Variants in MMS22L observed in about 807,000 individuals in gnomAD.
MMS22L encodes protein MMS22-like.
A neutral mutation model predicts 159.1 loss-of-function variants in MMS22L; 74 were observed. The ratio of observed to expected loss-of-function variants is 0.47; its 90% CI spans 0.39 to 0.56. The LOEUF (loss-of-function observed/expected upper bound fraction) is 0.56. Ranked by LOEUF, MMS22L falls within the 20% of genes least tolerant of loss-of-function variation. The pLI is 0.00. For missense variants in MMS22L, 1,351 were observed against 1,422.1 expected (o/e 0.95, Z 0.80); for synonymous variants, 517 against 506.9 (o/e 1.02, Z -0.27).
rs538324392 is a variant in MMS22L, at chr6:97,158,091, T to C, written c.3385+3911A>G. Among the ~76,000 whole-genome samples the C allele has an allele frequency of 2.0e-5, 3 of 152,320 alleles. No homozygotes were observed. The South Asian group carries it at 6.2e-4, about 32-fold the overall frequency. ...GAATTTATCCATTTCTTCTAGATTTTTTAGTTTATTTGTGTAGAGTTCTTT... is the reference window on the plus strand; with the variant it reads ...GAATTTATCCATTTCTTCTAGATTTCTTAGTTTATTTGTGTAGAGTTCTTT... On this transcript the variant is annotated intron_variant, in intron 22 of 24. Transcript: ENST00000683635.
At chr6:97,168,321 TG>T (rs1195035261) in intron 19 of MMS22L, 81 bp from the exon 20 acceptor site, 8 of 1,297,992 alleles carry the variant, frequency 6.2e-6, no homozygotes, top group Non-Finnish European at 8.6e-6. Context: ...AAATTTGTAT[TG>T]AAAGCACATG....
At chr6:97,202,512 T>A (rs926551660) in intron 14 of MMS22L, among the ~76,000 whole-genome samples, 14 of 152,078 alleles carry the variant, frequency 9.2e-5, no homozygotes, top group African/African-American at 3.4e-4. Context: ...AGCTATTACC[T>A]TAGCGTTGAC....
intron 6 of MMS22L, chr6:97,270,480 T>A (rs1432905292): frequency 3.2e-6 from 1 of 314,262 alleles, no homozygotes; most frequent in Non-Finnish European, 6.2e-6. Flanking sequence ...AAAATTTACC[T>A]CTCAATTCAT....
chr6:97,198,647 T>G (rs1806806641), intron 14 of MMS22L, among the ~76,000 whole-genome samples: 1 of 152,104 alleles, frequency 6.6e-6, no homozygotes, highest in East Asian at 1.9e-4. Flanking sequence ...GAACAAAGAA[T>G]TTTATTAGAA....
intron 24 of MMS22L, among the ~76,000 whole-genome samples, chr6:97,149,188 C>A (rs1801078612): frequency 6.6e-6 from 1 of 151,978 alleles, no homozygotes; most frequent in Non-Finnish European, 1.5e-5. Flanking sequence ...AGAACTTATC[C>A]CTGTCGTTAA....
intron 19 of MMS22L, 130 bp downstream of exon 19, chr6:97,172,933 C>T (rs1803698573): frequency 1.3e-6 from 1 of 791,766 alleles, no homozygotes; most frequent in Non-Finnish European, 1.9e-6. Context: ...TAAGCTAAAT[C>T]ACTGTATTTC....
rs189441572 is a variant in MMS22L, at chr6:97,145,651, C to A, written c.*1155G>T. On this transcript the variant is annotated 3_prime_UTR_variant, in exon 25 of 25. Coordinates refer to ENST00000683635, the MANE Select transcript of MMS22L (RefSeq NM_001350599.2). ...GAATTTGGGCCACCAAATATTTTCACGTACATTATCCCATTGATTCTCACA... is the reference window on the plus strand; with the variant it reads ...GAATTTGGGCCACCAAATATTTTCAAGTACATTATCCCATTGATTCTCACA... 1.3e-5 allele frequency: 2 copies of A among 152,136 alleles called. No individual in the cohort carries two copies. The highest frequency in any genetic ancestry group is 1.3e-4 in the Admixed American group (2 of 15,270). 9.4% of individuals were successfully genotyped at this position (152,136 alleles called of 1,614,324 possible). A position where few individuals can be genotyped will look rare whatever the true frequency, so the allele number is the denominator to read the frequency against.
chr6:97,223,126 C>A (rs1019647995), intron 14 of MMS22L, among the ~76,000 whole-genome samples: 1 of 152,084 alleles, frequency 6.6e-6, no homozygotes, highest in African/African-American at 2.4e-5. Flanking sequence ...CAGAAAGAAG[C>A]ATATGAAGTT....
intron 14 of MMS22L, among the ~76,000 whole-genome samples, chr6:97,219,661 G>A (rs1244863780): frequency 1.3e-5 from 2 of 152,130 alleles, no homozygotes; most frequent in Non-Finnish European, 2.9e-5. Context: ...TGCACTGTTG[G>A]TAAATGAAAG....
intron 3 of MMS22L, among the ~76,000 whole-genome samples, chr6:97,280,226 GT>G (rs1816638278): frequency 6.6e-6 from 1 of 152,100 alleles, no homozygotes; most frequent in South Asian, 2.1e-4. Flanking sequence ...TTTTTACTGT[GT>G]TTTGGAATAA....
At chr6:97,227,536 A>C (rs1810394252) in intron 14 of MMS22L, among the ~76,000 whole-genome samples, 2 of 152,258 alleles carry the variant, frequency 1.3e-5, no homozygotes, top group Admixed American at 1.3e-4. Flanking sequence ...TGAAGAAATA[A>C]AACAAAGTTG....
rs755313269 is a variant in MMS22L, at chr6:97,165,312, G to A, written c.3155C>T (p.Ala1052Val). The stretch of plus-strand genomic sequence containing the variant: ...TGGAATAGTGGCTGTGTTTCTCAAT[G>A]CCAGCAAAACAGGATGTTGTCCAAG... Reference protein sequence around the residue: ...SDLGQHPVLLALRNTATIPPI... With the variant: ...SDLGQHPVLLVLRNTATIPPI... The change falls in exon 21 of 25, where the codon GCA (alanine) becomes GTA (valine). Residue 1052 changes from alanine (A) to valine (V), a missense_variant. Transcript: ENST00000683635. 10 of 1,613,350 alleles carry A rather than the reference G, an allele frequency of 6.2e-6. No individual in the cohort carries two copies. Among genetic ancestry groups the A allele is most frequent in the Non-Finnish European group, 8.5e-6 (10 of 1,179,620 alleles).
intron 12 of MMS22L, 69 bp downstream of exon 12, chr6:97,233,792 T>A: frequency 1.3e-6 from 2 of 1,494,792 alleles, no homozygotes; most frequent in Non-Finnish European, 8.9e-7. Context: ...AATTAAACCA[T>A]AAAGACATTC....
intron 22 of MMS22L, among the ~76,000 whole-genome samples, 168 bp downstream of exon 22, chr6:97,161,834 C>T (rs1481008548): frequency 1.3e-5 from 2 of 152,024 alleles, no homozygotes; most frequent in Non-Finnish European, 2.9e-5. Flanking sequence ...ACCATTTTAT[C>T]ATACCTAATC....
chr6:97,190,668 T>C (rs968720393), intron 14 of MMS22L, among the ~76,000 whole-genome samples: 1 of 152,172 alleles, frequency 6.6e-6, no homozygotes. Flanking sequence ...TAGGCATAAT[T>C]ATTATTCAAA....
At chr6:97,186,048 A>AAGTC (rs1208555274) in intron 15 of MMS22L, among the ~76,000 whole-genome samples, 3 of 152,128 alleles carry the variant, frequency 2.0e-5, no homozygotes, top group Non-Finnish European at 4.4e-5. Flanking sequence ...AATCTAGTAG[A>AAGTC]AGTCAGAACA....
chr6:97,186,832 T>C (rs1164438281), intron 14 of MMS22L, 142 bp from the exon 15 acceptor site: 1 of 524,844 alleles, frequency 1.9e-6, no homozygotes, highest in East Asian at 3.5e-5. Flanking sequence ...ACATTATGCA[T>C]TTCTGGTTGT....
chr6:97,176,412 C>G (rs1804120486), intron 18 of MMS22L, among the ~76,000 whole-genome samples: 1 of 152,056 alleles, frequency 6.6e-6, no homozygotes, highest in Admixed American at 6.6e-5. Flanking sequence ...AGATGTCATA[C>G]TATCATTTCT....
At chr6:97,280,270 T>G (rs1484557639) in intron 3 of MMS22L, among the ~76,000 whole-genome samples, 1 of 152,196 alleles carries the variant, frequency 6.6e-6, no homozygotes, top group Non-Finnish European at 1.5e-5. Flanking sequence ...TGTTTAAAAT[T>G]ACCTAAAATC....
Sources: allele counts gnomAD v4.1 joint callset (sites outside exome capture counted in the v4.1 genomes callset), GRCh38; gene constraint gnomAD v4.1.1; transcripts MANE v1.5; gene names NCBI Gene and HGNC (gene_info 2026-07-23, HGNC 2026-07-21).